Variants in ULK4 observed in about 807,000 individuals in gnomAD.
ULK4 encodes inactive serine/threonine-protein kinase ULK4.
In ULK4, 133 loss-of-function variants were observed where a neutral mutation model predicts 160.6. That is an observed-to-expected ratio of 0.83 (90% CI 0.72 to 0.96). The LOEUF (loss-of-function observed/expected upper bound fraction) is 0.96, where lower values mean the gene tolerates loss of function less well. Ranked by LOEUF, ULK4 falls within the 40% of genes least tolerant of loss-of-function variation. ULK4 has a pLI of 0.00. For missense variants in ULK4, 1,580 were observed against 1,499.5 expected, an observed-to-expected ratio of 1.05 and a Z score of -0.89; for synonymous variants, 534 against 539.8, an observed-to-expected ratio of 0.99 and a Z score of 0.15.
chr3:41,424,780 G>A (rs1045857177), intron 34 of ULK4, among the ~76,000 whole-genome samples: 7 of 144,038 alleles, frequency 4.9e-5, no homozygotes, highest in South Asian at 2.2e-4. Context: ...ATCCAAAGGC[G>A]AGCAGCCTCA....
chr3:41,860,896 G>T (rs142353013), intron 17 of ULK4, among the ~76,000 whole-genome samples: 5,009 of 151,332 alleles, frequency 0.033, 123 homozygotes, highest in Non-Finnish European at 0.054. Context: ...GTGTTTTTTT[G>T]TTGTTGTTTG....
chr3:41,655,457 A>G lies in ULK4; in HGVS notation c.3071+8150T>C, dbSNP rs371524695. Among the ~76,000 whole-genome samples, 41 of 152,156 alleles carry G rather than the reference A, an allele frequency of 2.7e-4. No individual in the cohort carries two copies. The South Asian group carries it at 7.1e-3, about 26-fold the overall frequency. Reference sequence around the variant, plus strand: ...ACGAGTTAATGGGTGCAGCACACCAACATGGCACATGTATACATATGTAAC... The same window carrying G: ...ACGAGTTAATGGGTGCAGCACACCAGCATGGCACATGTATACATATGTAAC... On this transcript the variant is annotated intron_variant, in intron 30 of 36. Coordinates refer to ENST00000301831, the MANE Select transcript of ULK4 (RefSeq NM_017886.4).
chr3:41,790,576 G>A (rs1020617810), intron 20 of ULK4, among the ~76,000 whole-genome samples: 8 of 152,170 alleles, frequency 5.3e-5, no homozygotes, highest in African/African-American at 1.9e-4. Context: ...TTTTTGAAGG[G>A]TAGATGGGAA....
At chr3:41,285,756 A>T (rs566532966) in intron 35 of ULK4, among the ~76,000 whole-genome samples, 1 of 152,350 alleles carries the variant, frequency 6.6e-6, no homozygotes, top group East Asian at 1.9e-4. Flanking sequence ...AAACAAAATA[A>T]AACAATGGCA....
In ULK4 at chr3:41,705,144, T is replaced by C; in HGVS notation, c.2694A>G (p.Thr898=). The change falls in exon 27 of 37, where the codon ACA becomes ACG. Residue 898 remains threonine, a synonymous_variant. Coordinates refer to ENST00000301831, the MANE Select transcript of ULK4 (RefSeq NM_017886.4). ...ETNIDGAIGL[T]ASEEFIKITL... is the part of the protein sequence containing the mutation. ...TGATCTTGATAAATTCTTCTGATGC[T>C]GTCAGTCCTAGAAATACAGTTAATT... 1.2e-6 allele frequency: 2 copies of C among 1,613,646 alleles called. No individual in the cohort carries two copies. Among genetic ancestry groups the C allele is most frequent in the South Asian group, 2.2e-5 (2 of 91,004 alleles).
chr3:41,760,224 C>G (rs1296801553), intron 21 of ULK4, among the ~76,000 whole-genome samples: 4 of 152,040 alleles, frequency 2.6e-5, no homozygotes, highest in Non-Finnish European at 2.9e-5. Flanking sequence ...TAAAATCATA[C>G]TGAGATATAA....
chr3:41,862,748 ACAGAGT>A (rs1305703540), intron 17 of ULK4, among the ~76,000 whole-genome samples: 1 of 151,746 alleles, frequency 6.6e-6, no homozygotes, highest in Non-Finnish European at 1.5e-5. Flanking sequence ...TCCCGAACAT[ACAGAGT>A]CAGTCAGTCA....
At chr3:41,352,719 T>G (rs1382794885) in intron 35 of ULK4, among the ~76,000 whole-genome samples, 1 of 152,152 alleles carries the variant, frequency 6.6e-6, no homozygotes, top group Admixed American at 6.5e-5. Context: ...TCCTCTTTGC[T>G]TAACTTCTTC....
chr3:41,506,483 G>A (rs2125919563), intron 32 of ULK4, among the ~76,000 whole-genome samples: 1 of 152,166 alleles, frequency 6.6e-6, no homozygotes, highest in East Asian at 1.9e-4. Flanking sequence ...GAGCCACACA[G>A]TAGAAGCTGT....
chr3:41,364,114 T>A (rs921191582), intron 35 of ULK4, among the ~76,000 whole-genome samples: 8 of 152,180 alleles, frequency 5.3e-5, no homozygotes, highest in Admixed American at 3.3e-4. Flanking sequence ...AAATATATAT[T>A]TTTTGTAGAG....
At chr3:41,896,197 G>T (rs1698147703) in intron 15 of ULK4, among the ~76,000 whole-genome samples, 1 of 152,142 alleles carries the variant, frequency 6.6e-6, no homozygotes, top group Non-Finnish European at 1.5e-5. Flanking sequence ...TCCACATGGG[G>T]AGTTCATTCC....
intron 22 of ULK4, among the ~76,000 whole-genome samples, chr3:41,729,034 A>G (rs1388149251): frequency 1.3e-5 from 2 of 152,130 alleles, no homozygotes; most frequent in Non-Finnish European, 2.9e-5. Context: ...CAACTCCTAC[A>G]AAAAAAGACC....
At chr3:41,446,646 A>T (rs1056049351) in intron 34 of ULK4, among the ~76,000 whole-genome samples, 1 of 148,750 alleles carries the variant, frequency 6.7e-6, no homozygotes, top group Non-Finnish European at 1.5e-5. Context: ...CAAACACCGC[A>T]AGTTCTCACT....
intron 29 of ULK4, among the ~76,000 whole-genome samples, chr3:41,671,326 C>T (rs577390060): frequency 5.9e-5 from 9 of 152,202 alleles, no homozygotes; most frequent in Non-Finnish European, 1.2e-4. Flanking sequence ...CATCACACTA[C>T]CTGACTTCAA....
intron 29 of ULK4, among the ~76,000 whole-genome samples, chr3:41,680,286 T>G (rs1218332881): frequency 6.6e-6 from 1 of 152,186 alleles, no homozygotes; most frequent in Non-Finnish European, 1.5e-5. Context: ...CAAACAATTG[T>G]CTTACTTTGG....
At chr3:41,574,534 T>TA (rs1308761594) in intron 31 of ULK4, among the ~76,000 whole-genome samples, 19 of 40,636 alleles carry the variant, frequency 4.7e-4, no homozygotes, top group African/African-American at 2.7e-3. Flanking sequence ...GAGTCCTCTT[T>TA]TTTTTTTTTT....
At chr3:41,586,521 C>T (rs759527616) in intron 31 of ULK4, among the ~76,000 whole-genome samples, 1 of 152,008 alleles carries the variant, frequency 6.6e-6, no homozygotes, top group Admixed American at 6.6e-5. Flanking sequence ...CAATGTTTAA[C>T]GGAAACATAG....
intron 31 of ULK4, among the ~76,000 whole-genome samples, chr3:41,609,195 TTTATTTGGCTGA>T (rs2032542798): frequency 6.6e-6 from 1 of 152,192 alleles, no homozygotes; most frequent in African/African-American, 2.4e-5. Flanking sequence ...AAAATTTCTC[TTTATTTGGCTGA>T]TTATGCAGAA....
intron 30 of ULK4, among the ~76,000 whole-genome samples, chr3:41,640,374 G>A (rs561927111): frequency 8.5e-5 from 13 of 152,108 alleles, no homozygotes; most frequent in Admixed American, 2.6e-4. Context: ...CGAGAGCCCA[G>A]GCAAGACCTC....
Sources: gnomAD v4.1 joint callset for allele counts (sites outside exome capture counted in the v4.1 genomes callset) on GRCh38, gnomAD v4.1.1 for gene constraint, MANE v1.5 for transcripts, NCBI Gene and HGNC (gene_info 2026-07-23, HGNC 2026-07-21) for gene names.